Variants in FGF12 observed in about 807,000 individuals in gnomAD.
FGF12 encodes the protein fibroblast growth factor 12, also known as fibroblast growth factor 12B.
In FGF12, 14 loss-of-function variants were observed where a neutral mutation model predicts 23.6. That is an observed-to-expected ratio of 0.59 (90% confidence interval 0.39 to 0.93). FGF12 has a LOEUF of 0.93. Among genes scored for constraint, FGF12 ranks in the 40% least tolerant of loss-of-function variants. The pLI is 0.00. For synonymous variants in FGF12, 62 were observed against 77.3 expected (o/e 0.80, Z 1.04); for missense variants, 175 against 217.8 (o/e 0.80, Z 1.24).
intron 2 of FGF12, among the ~76,000 whole-genome samples, chr3:192,418,099 G>A (rs922083059): frequency 6.6e-6 from 1 of 152,054 alleles, no homozygotes; most frequent in African/African-American, 2.4e-5. Flanking sequence ...ACTATATCAA[G>A]TTATGTAGAT....
chr3:192,200,653 C>T (rs1176280533), intron 4 of FGF12, among the ~76,000 whole-genome samples: 1 of 152,136 alleles, frequency 6.6e-6, no homozygotes, highest in Admixed American at 6.5e-5. Context: ...GTAAGACAGA[C>T]CAAACTCCGT....
intron 2 of FGF12, among the ~76,000 whole-genome samples, chr3:192,551,880 G>A (rs1711543305): frequency 6.6e-6 from 1 of 152,048 alleles, no homozygotes; most frequent in East Asian, 1.9e-4. Context: ...GTAAAAAGTT[G>A]ATATAAACAA....
chr3:192,613,079 A>T (rs184018257), intron 2 of FGF12, among the ~76,000 whole-genome samples: 1 of 150,266 alleles, frequency 6.7e-6, no homozygotes, highest in East Asian at 2.0e-4. Context: ...CTTATTTACC[A>T]TTTTTTTTCT....
At chr3:192,656,433 G>C (rs1278429085) in intron 2 of FGF12, among the ~76,000 whole-genome samples, 3 of 152,064 alleles carry the variant, frequency 2.0e-5, no homozygotes, top group Non-Finnish European at 4.4e-5. Flanking sequence ...AAAACTTCAT[G>C]CTCCATATTT....
At chr3:192,378,042 C>CTTTA (rs1398426796) in intron 2 of FGF12, among the ~76,000 whole-genome samples, 1 of 82,798 alleles carries the variant, frequency 1.2e-5, no homozygotes, top group Non-Finnish European at 2.2e-5. Context: ...TTCTTTCTTT[C>CTTTA]TTTCTTTCTT....
At chr3:192,669,502 G>A (rs1212641221) in intron 2 of FGF12, among the ~76,000 whole-genome samples, 3 of 149,530 alleles carry the variant, frequency 2.0e-5, no homozygotes, top group African/African-American at 4.9e-5. Context: ...CAGGAGAATC[G>A]CTTGAATCCA....
chr3:192,433,547 C>T (rs1015249827), intron 2 of FGF12, among the ~76,000 whole-genome samples: 13 of 152,260 alleles, frequency 8.5e-5, no homozygotes, highest in Non-Finnish European at 1.9e-4. Context: ...TAAATGTTTT[C>T]ATCCTGTAAC....
At chr3:192,616,136 G>C (rs1033032526) in intron 2 of FGF12, among the ~76,000 whole-genome samples, 9 of 151,646 alleles carry the variant, frequency 5.9e-5, no homozygotes, top group Non-Finnish European at 1.0e-4. Flanking sequence ...TTCCAATAGA[G>C]CAAATTTTAC....
intron 2 of FGF12, among the ~76,000 whole-genome samples, chr3:192,693,927 T>G (rs887167587): frequency 1.3e-5 from 2 of 152,056 alleles, no homozygotes; most frequent in Non-Finnish European, 2.9e-5. Context: ...ACAAAAAAAT[T>G]TCTGCCCAGC....
At chr3:192,591,305 T>G (rs1331987812) in intron 2 of FGF12, among the ~76,000 whole-genome samples, 1 of 151,444 alleles carries the variant, frequency 6.6e-6, no homozygotes, top group Non-Finnish European at 1.5e-5. Flanking sequence ...ACATACATTT[T>G]TTAAAAATAG....
chr3:192,425,395 G>A (rs2108786647), intron 2 of FGF12, among the ~76,000 whole-genome samples: 1 of 152,258 alleles, frequency 6.6e-6, no homozygotes, highest in East Asian at 1.9e-4. Flanking sequence ...AAAGTGGGAT[G>A]CAGTCTCCCA....
chr3:192,681,253 G>A (rs1471157985), intron 2 of FGF12, among the ~76,000 whole-genome samples: 1 of 152,202 alleles, frequency 6.6e-6, no homozygotes, highest in Non-Finnish European at 1.5e-5. Flanking sequence ...ATGTAAACTA[G>A]AGACGATAAA....
At chr3:192,447,948 G>A (rs534354793) in intron 2 of FGF12, among the ~76,000 whole-genome samples, 64 of 152,178 alleles carry the variant, frequency 4.2e-4, no homozygotes, top group African/African-American at 1.5e-3. Flanking sequence ...CCATAAATTC[G>A]TTTCGCCAGT....
At chr3:192,427,569 A>G (rs1721733427) in intron 2 of FGF12, among the ~76,000 whole-genome samples, 1 of 152,208 alleles carries the variant, frequency 6.6e-6, no homozygotes, top group Admixed American at 6.5e-5. Flanking sequence ...CGTTAATTCT[A>G]ATCAATATGG....
chr3:192,354,645 T>TA (rs1168057032), intron 3 of FGF12, among the ~76,000 whole-genome samples: 5 of 152,172 alleles, frequency 3.3e-5, no homozygotes, highest in Admixed American at 2.0e-4. Context: ...ACTCATAATT[T>TA]AAAAAAAATT....
chr3:192,467,351 CA>C (rs1723040406), intron 2 of FGF12, among the ~76,000 whole-genome samples: 1 of 152,122 alleles, frequency 6.6e-6, no homozygotes, highest in Admixed American at 6.6e-5. Flanking sequence ...AGGGATCTCC[CA>C]CCTCCTTAGA....
chr3:192,415,732 T>TCTCTCATACA (rs369293180), intron 2 of FGF12, among the ~76,000 whole-genome samples: 2 of 118,054 alleles, frequency 1.7e-5, no homozygotes, highest in South Asian at 5.9e-4. Context: ...TCTCTCTCTC[T>TCTCTCATACA]CACACACACA....
At chr3:192,231,428 T>A (rs1030194170) in intron 4 of FGF12, among the ~76,000 whole-genome samples, 2 of 152,130 alleles carry the variant, frequency 1.3e-5, no homozygotes, top group African/African-American at 4.8e-5. Flanking sequence ...TTAGGGCTGT[T>A]AAAATAAGAG....
At chr3:192,435,958 G>T (rs1040696260) in intron 2 of FGF12, among the ~76,000 whole-genome samples, 5 of 152,072 alleles carry the variant, frequency 3.3e-5, no homozygotes, top group African/African-American at 1.2e-4. Context: ...AATATTTTTT[G>T]AAACAACACA....
Sources: gnomAD v4.1 joint callset for allele counts (sites outside exome capture counted in the v4.1 genomes callset) on GRCh38, gnomAD v4.1.1 for gene constraint, MANE v1.5 for transcripts, NCBI Gene and HGNC (gene_info 2026-07-23, HGNC 2026-07-21) for gene names.